The following ATP8B4 variants were observed in gnomAD, a reference collection of about 807,000 sequenced individuals.
ATP8B4 encodes the protein ATPase phospholipid transporting 8B4 (putative).
Under a neutral mutation model 145.6 loss-of-function variants are expected in ATP8B4, and 133 were observed. The ratio of observed to expected loss-of-function variants is 0.91; its 90% CI spans 0.79 to 1.05. ATP8B4 has a LOEUF of 1.05. Ranked by LOEUF, ATP8B4 falls within the 50% of genes least tolerant of loss-of-function variation. The pLI, the probability that ATP8B4 is intolerant of heterozygous loss-of-function variation, is 0.00. For missense variants in ATP8B4, 1,458 were observed against 1,425.2 expected, an observed-to-expected ratio of 1.02 and a Z score of -0.37; for synonymous variants, 507 against 492.9, an observed-to-expected ratio of 1.03 and a Z score of -0.38.
intron 1 of ATP8B4, among the ~76,000 whole-genome samples, chr15:50,166,084 A>T (rs1246951372): frequency 6.6e-6 from 1 of 152,196 alleles, no homozygotes; most frequent in Non-Finnish European, 1.5e-5. Context: ...TATAAGAATT[A>T]CAGCAGTCTG....
At chr15:50,013,099 A>T (rs192016305) in intron 6 of ATP8B4, among the ~76,000 whole-genome samples, 6 of 151,206 alleles carry the variant, frequency 4.0e-5, no homozygotes, top group East Asian at 1.9e-4. Flanking sequence ...AATAATACAT[A>T]AAAAAAATCC....
chr15:50,052,317 G>A (rs943332575), intron 3 of ATP8B4, among the ~76,000 whole-genome samples: 3 of 152,158 alleles, frequency 2.0e-5, no homozygotes, highest in East Asian at 1.9e-4. Flanking sequence ...TAGACTCCAC[G>A]GAGCCTCTTT....
chr15:50,051,499 C>A (rs1194559759), intron 3 of ATP8B4, among the ~76,000 whole-genome samples: 1 of 152,132 alleles, frequency 6.6e-6, no homozygotes, highest in East Asian at 1.9e-4. Flanking sequence ...GTCTGATGCA[C>A]ATTAATGTAC....
chr15:49,879,655 G>A, intron 23 of ATP8B4, 196 bp from the exon 24 acceptor site: 1 of 527,626 alleles, frequency 1.9e-6, no homozygotes, highest in South Asian at 2.6e-5. Flanking sequence ...CTAAACGGCA[G>A]TTTCTTTATC....
chr15:50,122,547 G>A (rs1467881102), upstream of ATP8B4, among the ~76,000 whole-genome samples: 1 of 152,138 alleles, frequency 6.6e-6, no homozygotes, highest in East Asian at 1.9e-4. Flanking sequence ...TTGTTTGCTT[G>A]CTTGCTTTTA....
At chr15:50,167,259 A>T (rs1253806886) in intron 1 of ATP8B4, among the ~76,000 whole-genome samples, 1 of 152,230 alleles carries the variant, frequency 6.6e-6, no homozygotes, top group Non-Finnish European at 1.5e-5. Context: ...TCTTAAAACA[A>T]CAGAAATTTA....
chr15:49,963,885 A>T (rs1797705620), intron 13 of ATP8B4, among the ~76,000 whole-genome samples: 2 of 152,106 alleles, frequency 1.3e-5, no homozygotes. Context: ...CATCCTGAAC[A>T]TGTACCCCTG....
chr15:49,994,607 C>CAGTG (rs1290426719), intron 9 of ATP8B4, among the ~76,000 whole-genome samples: 1 of 151,734 alleles, frequency 6.6e-6, no homozygotes, highest in African/African-American at 2.4e-5. Flanking sequence ...GTATGCCAGA[C>CAGTG]AGTGCTAAGT....
At chr15:50,012,047 G>A (rs947957679) in intron 6 of ATP8B4, among the ~76,000 whole-genome samples, 2 of 152,096 alleles carry the variant, frequency 1.3e-5, no homozygotes, top group East Asian at 1.9e-4. Flanking sequence ...CCAAGTACAC[G>A]TTGTTCTGGA....
chr15:50,026,640 T>C (rs995786717), intron 6 of ATP8B4, among the ~76,000 whole-genome samples: 1 of 152,208 alleles, frequency 6.6e-6, no homozygotes, highest in East Asian at 1.9e-4. Flanking sequence ...ATGACTGGTA[T>C]CCAATATCTT....
intron 2 of ATP8B4, among the ~76,000 whole-genome samples, chr15:50,086,092 TTA>T (rs1200949677): frequency 8.8e-6 from 1 of 113,746 alleles, no homozygotes; most frequent in African/African-American, 3.7e-5. Context: ...ACTATACTTA[TTA>T]TATATAATAA....
At chr15:50,162,785 C>T (rs550557453) in intron 1 of ATP8B4, among the ~76,000 whole-genome samples, 34 of 152,276 alleles carry the variant, frequency 2.2e-4, no homozygotes, top group African/African-American at 5.1e-4. Context: ...GAATTACAGG[C>T]GTGAGCCACC....
upstream of ATP8B4, among the ~76,000 whole-genome samples, chr15:50,123,723 A>G (rs111976892): frequency 6.6e-6 from 1 of 152,144 alleles, no homozygotes; most frequent in Admixed American, 6.6e-5. Context: ...CCCTGTCTTA[A>G]TAAATTGGCT....
At chr15:49,920,819 G>A (rs2040193925) in intron 17 of ATP8B4, among the ~76,000 whole-genome samples, 1 of 152,198 alleles carries the variant, frequency 6.6e-6, no homozygotes, top group African/African-American at 2.4e-5. Context: ...AGCTTTCAGT[G>A]AAGAGGAAAG....
chr15:49,963,611 A>G (rs2044278560), intron 13 of ATP8B4, among the ~76,000 whole-genome samples: 1 of 152,202 alleles, frequency 6.6e-6, no homozygotes, highest in Non-Finnish European at 1.5e-5. Flanking sequence ...CTTTGCCGGG[A>G]CATGGATAGA....
At chr15:49,892,698 C>G (rs1448620049) in intron 23 of ATP8B4, among the ~76,000 whole-genome samples, 2 of 152,152 alleles carry the variant, frequency 1.3e-5, no homozygotes, top group Non-Finnish European at 2.9e-5. Context: ...AAGCAGCGTT[C>G]CATGCAAAAT....
intron 2 of ATP8B4, among the ~76,000 whole-genome samples, chr15:50,088,688 C>G (rs750649367): frequency 6.6e-6 from 1 of 152,146 alleles, no homozygotes; most frequent in East Asian, 1.9e-4. Context: ...TGCCCCGCCC[C>G]CGACCAGAAT....
chr15:49,926,554 GA>G (rs1460490258), intron 16 of ATP8B4, among the ~76,000 whole-genome samples: 2 of 151,898 alleles, frequency 1.3e-5, no homozygotes, highest in Admixed American at 1.3e-4. Flanking sequence ...ATTAAGTTTG[GA>G]CTCCTTGACA....
chr15:49,901,537 T>C (rs551278464), intron 20 of ATP8B4, among the ~76,000 whole-genome samples: 8 of 152,314 alleles, frequency 5.3e-5, no homozygotes, highest in Admixed American at 1.3e-4. Context: ...GGGATCTTGA[T>C]AGATTTGGTA....
Sources: gnomAD v4.1 joint callset for allele counts (sites outside exome capture counted in the v4.1 genomes callset) on GRCh38, gnomAD v4.1.1 for gene constraint, MANE v1.5 for transcripts, NCBI Gene and HGNC (gene_info 2026-07-23, HGNC 2026-07-21) for gene names.